Variants in TTLL5 observed in about 807,000 individuals in gnomAD.
The protein encoded by TTLL5 is tubulin tyrosine ligase like 5.
Under a neutral mutation model 168.4 loss-of-function variants are expected in TTLL5, and 132 were observed. The ratio of observed to expected loss-of-function variants is 0.78; its 90% CI spans 0.68 to 0.91. The LOEUF (loss-of-function observed/expected upper bound fraction) is 0.91. Ranked by LOEUF, TTLL5 falls within the 40% of genes least tolerant of loss-of-function variation. TTLL5 has a pLI of 0.00. For synonymous variants in TTLL5, 546 were observed against 558.6 expected, an observed-to-expected ratio of 0.98 and a Z score of 0.32; for missense variants, 1,545 against 1,581.5, an observed-to-expected ratio of 0.98 and a Z score of 0.39.
intron 21 of TTLL5, among the ~76,000 whole-genome samples, chr14:75,772,087 T>C (rs1456291571): frequency 6.6e-6 from 1 of 152,188 alleles, no homozygotes; most frequent in Admixed American, 6.5e-5. Flanking sequence ...CATTACACCA[T>C]GTAGTGAAGG....
intron 31 of TTLL5, among the ~76,000 whole-genome samples, chr14:75,949,173 C>A (rs1203540628): frequency 1.3e-5 from 2 of 151,874 alleles, no homozygotes; most frequent in Admixed American, 6.6e-5. Context: ...TTTCCAAAAT[C>A]AATTACATTT....
At chr14:75,857,876 C>T (rs1357690361) in intron 28 of TTLL5, among the ~76,000 whole-genome samples, 3 of 151,974 alleles carry the variant, frequency 2.0e-5, no homozygotes, top group African/African-American at 7.3e-5. Flanking sequence ...GTCTCGAACT[C>T]CTGAACTTAA....
At chr14:75,796,299 G>C (rs1280182852) in intron 27 of TTLL5, among the ~76,000 whole-genome samples, 4 of 152,010 alleles carry the variant, frequency 2.6e-5, no homozygotes, top group Admixed American at 2.6e-4. Context: ...TGATTTGTTT[G>C]AGTTCCTTGT....
At chr14:75,817,363 C>T (rs1411248242) in intron 27 of TTLL5, among the ~76,000 whole-genome samples, 2 of 152,094 alleles carry the variant, frequency 1.3e-5, no homozygotes, top group Admixed American at 6.6e-5. Flanking sequence ...CATATATGGC[C>T]GGTGAGTTTT....
intron 27 of TTLL5, among the ~76,000 whole-genome samples, chr14:75,814,820 A>C (rs1405289534): frequency 6.6e-6 from 1 of 152,258 alleles, no homozygotes; most frequent in East Asian, 1.9e-4. Flanking sequence ...CACTAGCTAC[A>C]TCTGGCTTTT....
chr14:75,708,593 G>A (rs892806682), intron 9 of TTLL5, among the ~76,000 whole-genome samples: 12 of 152,190 alleles, frequency 7.9e-5, no homozygotes, highest in African/African-American at 2.9e-4. Flanking sequence ...CCAAAGTGCT[G>A]GGATTACAGG....
chr14:75,886,750 C>G (rs970957443), intron 30 of TTLL5: 2 of 1,597,552 alleles, frequency 1.3e-6, no homozygotes, highest in African/African-American at 2.7e-5. Flanking sequence ...TTCTTCCAAG[C>G]AGTCAGCTGA....
intron 17 of TTLL5, among the ~76,000 whole-genome samples, chr14:75,751,190 C>T (rs140576079): frequency 1.3e-5 from 2 of 152,282 alleles, no homozygotes; most frequent in Non-Finnish European, 2.9e-5. Context: ...TGCACTGTGG[C>T]CATCACTTTT....
chr14:75,775,786 A>G (rs775791601), intron 22 of TTLL5, among the ~76,000 whole-genome samples, 156 bp downstream of exon 22: 6 of 152,168 alleles, frequency 3.9e-5, no homozygotes, highest in Non-Finnish European at 7.3e-5. Context: ...GCAGGACCCC[A>G]CACCTTAACT....
intron 5 of TTLL5, among the ~76,000 whole-genome samples, chr14:75,686,584 A>G (rs1457717033): frequency 2.0e-5 from 3 of 152,172 alleles, no homozygotes; most frequent in Non-Finnish European, 4.4e-5. Context: ...ATTTTCCTGG[A>G]CAGTCCTTTT....
At chr14:75,954,375 C>A (rs2035052195) in intron 31 of TTLL5, 49 bp from the exon 32 acceptor site, 5 of 1,605,286 alleles carry the variant, frequency 3.1e-6, no homozygotes, top group Non-Finnish European at 3.4e-6. Context: ...GTAAGTAAAA[C>A]CCCATGCTGT....
chr14:75,846,890 A>G (rs1356355741), intron 28 of TTLL5, among the ~76,000 whole-genome samples: 2 of 151,990 alleles, frequency 1.3e-5, no homozygotes, highest in Admixed American at 6.5e-5. Context: ...GAATTAGTCC[A>G]TAAGGCAGAC....
intron 30 of TTLL5, among the ~76,000 whole-genome samples, chr14:75,893,817 C>CAAAAAAA (rs61332109): frequency 5.6e-5 from 4 of 71,614 alleles, no homozygotes; most frequent in Non-Finnish European, 7.5e-5. Context: ...GACTCCATCT[C>CAAAAAAA]AAAAAAAAAA....
chr14:75,920,689 A>T (rs2033795309), intron 31 of TTLL5, among the ~76,000 whole-genome samples: 1 of 152,228 alleles, frequency 6.6e-6, no homozygotes, highest in African/African-American at 2.4e-5. Flanking sequence ...TGCTGTTGTG[A>T]ATAGTGCTGC....
intron 31 of TTLL5, among the ~76,000 whole-genome samples, chr14:75,953,426 G>A (rs903326998): frequency 1.3e-5 from 2 of 152,198 alleles, no homozygotes; most frequent in African/African-American, 4.8e-5. Flanking sequence ...AGTATACTGA[G>A]ATTGCATGTG....
intron 28 of TTLL5, among the ~76,000 whole-genome samples, chr14:75,844,793 C>G (rs748235448): frequency 9.9e-5 from 15 of 152,114 alleles, no homozygotes; most frequent in Non-Finnish European, 1.6e-4. Flanking sequence ...TTTTTTTAGC[C>G]TTTTCATTGC....
chr14:75,795,418 T>C (rs1364100427), intron 27 of TTLL5, among the ~76,000 whole-genome samples: 1 of 152,140 alleles, frequency 6.6e-6, no homozygotes, highest in Non-Finnish European at 1.5e-5. Flanking sequence ...ATTTATGGGG[T>C]ACATACGATT....
intron 31 of TTLL5, among the ~76,000 whole-genome samples, chr14:75,914,598 G>GTA (rs1165032209): frequency 1.3e-5 from 2 of 148,190 alleles, no homozygotes; most frequent in African/African-American, 5.0e-5. Flanking sequence ...GTAAAATAAT[G>GTA]AATGATTGAT....
intron 6 of TTLL5, among the ~76,000 whole-genome samples, chr14:75,692,031 A>C (rs1336774810): frequency 6.6e-6 from 1 of 152,216 alleles, no homozygotes; most frequent in African/African-American, 2.4e-5. Context: ...TAAATGAATC[A>C]ACTTCAGAAC....
Sources: gnomAD v4.1 joint callset for allele counts (sites outside exome capture counted in the v4.1 genomes callset) on GRCh38, gnomAD v4.1.1 for gene constraint, MANE v1.5 for transcripts, NCBI Gene and HGNC (gene_info 2026-07-23, HGNC 2026-07-21) for gene names.